ASXL2: variants seen among roughly 807,000 people sequenced by gnomAD.
The protein encoded by ASXL2 is ASXL transcriptional regulator 2, also known as putative Polycomb group protein ASXL2.
A neutral mutation model predicts 122.0 loss-of-function variants in ASXL2; 23 were observed. The ratio of observed to expected loss-of-function variants is 0.19; its 90% confidence interval spans 0.14 to 0.27. ASXL2 has a LOEUF of 0.27. Ranked by LOEUF, ASXL2 falls within the 10% of genes least tolerant of loss-of-function variation. The pLI is 1.00. For synonymous variants in ASXL2, 650 were observed against 637.0 expected, an observed-to-expected ratio of 1.02 and a Z score of -0.31; for missense variants, 1,518 against 1,713.8, an observed-to-expected ratio of 0.89 and a Z score of 2.02.
intron 5 of ASXL2, among the ~76,000 whole-genome samples, chr2:25,786,149 T>C (rs2088740391): frequency 6.6e-6 from 1 of 152,124 alleles, no homozygotes; most frequent in Admixed American, 6.6e-5. Context: ...TCAACATCTG[T>C]GTATTAGAAA....
chr2:25,865,643 C>T (rs1424040267), intron 1 of ASXL2, among the ~76,000 whole-genome samples: 6 of 148,714 alleles, frequency 4.0e-5, no homozygotes, highest in Admixed American at 2.7e-4. Context: ...GGCATGGTGG[C>T]GGGCGCCTGT....
Position 25,753,760 on chromosome 2 carries a change from C to T in ASXL2, c.1037-121G>A, listed in dbSNP as rs768880491. 114 of 704,536 alleles carry T rather than the reference C, an allele frequency of 1.6e-4. 1 individual carries two copies. The highest frequency in any genetic ancestry group is 2.5e-4 in the Non-Finnish European group (106 of 416,058). The allele number at this position is 704,536 out of a possible 1,614,324, so 43.6% of individuals were successfully genotyped here. Reference sequence around the variant, plus strand: ...TACTACCATGTGAAAGTAACAGAAACTCCTCAAACCTCCTCACTGTAAAGG... The same window carrying T: ...TACTACCATGTGAAAGTAACAGAAATTCCTCAAACCTCCTCACTGTAAAGG... On this transcript the variant is annotated intron_variant, in intron 10 of 12. Coordinates refer to ENST00000435504, the MANE Select transcript of ASXL2 (RefSeq NM_018263.6).
At chr2:25,815,980 A>G (rs755678783) in intron 3 of ASXL2, among the ~76,000 whole-genome samples, 71 of 152,334 alleles carry the variant, frequency 4.7e-4, no homozygotes, top group Non-Finnish European at 6.2e-4. Context: ...AGAAAAGATT[A>G]CCCTTATGCA....
chr2:25,737,574 A>G lies in ASXL2; in HGVS notation c.*4455T>C, dbSNP rs1246441306. On this transcript the variant is annotated 3_prime_UTR_variant, in exon 13 of 13. Coordinates refer to ENST00000435504, the MANE Select transcript of ASXL2 (RefSeq NM_018263.6). ...TTCCTCATTTTACTCTCTTCCATAC[A>G]ATCTGTGGGAACCATCCCATAGGAG... The G allele has an allele frequency of 6.6e-6, 1 of 152,128 alleles. No homozygotes were observed. Among genetic ancestry groups the G allele is most frequent in the Non-Finnish European group, 1.5e-5 (1 of 68,008 alleles). 9.4% of individuals were successfully genotyped at this position (152,128 alleles called of 1,614,324 possible).
At chr2:25,781,017 G>A (rs1251495399) in intron 5 of ASXL2, among the ~76,000 whole-genome samples, 1 of 146,704 alleles carries the variant, frequency 6.8e-6, no homozygotes, top group Non-Finnish European at 1.5e-5. Context: ...CCAGAAGGAG[G>A]AGCTTACAGT....
intron 5 of ASXL2, among the ~76,000 whole-genome samples, chr2:25,775,466 G>T (rs1241586361): frequency 6.6e-6 from 1 of 152,102 alleles, no homozygotes; most frequent in Admixed American, 6.6e-5. Context: ...ACGTGTCAGC[G>T]GAGTGACCTG....
intron 3 of ASXL2, among the ~76,000 whole-genome samples, chr2:25,827,378 G>C (rs2089389928): frequency 6.6e-6 from 1 of 151,998 alleles, no homozygotes; most frequent in Admixed American, 6.6e-5. Flanking sequence ...ACTTACATTG[G>C]AAATTTCTAA....
chr2:25,841,375 ATAATACCTCATATATTCATTAACAAG>A (rs1218697435), intron 2 of ASXL2, among the ~76,000 whole-genome samples: 1 of 152,158 alleles, frequency 6.6e-6, no homozygotes, highest in Non-Finnish European at 1.5e-5. Context: ...CTTCCAACTA[ATAATACCTCATATATTCATTAACAAG>A]TAGGTTTTAA....
At chr2:25,799,730 G>A (rs1028167398) in intron 4 of ASXL2, among the ~76,000 whole-genome samples, 195 bp from the exon 5 acceptor site, 10 of 152,034 alleles carry the variant, frequency 6.6e-5, no homozygotes, top group Admixed American at 4.6e-4. Flanking sequence ...AACTATATCC[G>A]AAGATAAAAA....
chr2:25,801,214 C>T (rs979025931), intron 4 of ASXL2, among the ~76,000 whole-genome samples: 7 of 152,172 alleles, frequency 4.6e-5, no homozygotes, highest in African/African-American at 1.4e-4. Context: ...GGATTACAGG[C>T]GTGTGCCACT....
At chr2:25,759,215 A>C (rs1366532994) in intron 9 of ASXL2, among the ~76,000 whole-genome samples, 1 of 152,142 alleles carries the variant, frequency 6.6e-6, no homozygotes, top group African/African-American at 2.4e-5. Context: ...TTGGCTGCCC[A>C]AAGTGCTGGG....
At chr2:25,877,931 C>T (rs1283721347) in intron 1 of ASXL2, among the ~76,000 whole-genome samples, 1 of 152,228 alleles carries the variant, frequency 6.6e-6, no homozygotes, top group Non-Finnish European at 1.5e-5. Context: ...CCTCAAAACA[C>T]TGAGAGGACT....
chr2:25,771,561 A>G (rs1171178882), intron 5 of ASXL2, 21 bp from the exon 6 acceptor site: 1 of 1,591,244 alleles, frequency 6.3e-7, no homozygotes, highest in African/African-American at 1.3e-5. Flanking sequence ...AAAAGTGACA[A>G]TAAAAGATTT....
Position 25,743,979 on chromosome 2 carries a change from A to C in ASXL2, c.2358T>G (p.Ser786Arg), listed in dbSNP as rs774197741. The change falls in exon 13 of 13, where the codon AGT becomes AGG. Residue 786 changes from serine (S) to arginine (R), a missense_variant. Physicochemically the swap from Ser to Arg is moderately radical, Grantham distance 110 (BLOSUM62 -1). This residue lies in a region of ASXL2 where 831 missense variants were observed against 833.1 expected (regional missense o/e 1.00). Coordinates refer to ENST00000435504, the MANE Select transcript of ASXL2 (RefSeq NM_018263.6). The stretch of plus-strand genomic sequence containing the variant: ...GTGATGGGACACTTGTGCATGCTCC[A>C]CTGACGGCAGGTGTTGGAGGCACTG... ...TPPVPPTPAV[S>R]GACTSVPSPA... The C allele has an allele frequency of 6.2e-7, 1 of 1,613,960 alleles. No homozygotes were observed. The highest frequency in any genetic ancestry group is 8.5e-7 in the Non-Finnish European group (1 of 1,179,884).
chr2:25,828,846 A>C (rs905355020), intron 3 of ASXL2, among the ~76,000 whole-genome samples: 31 of 151,218 alleles, frequency 2.1e-4, no homozygotes, highest in South Asian at 6.3e-4. Context: ...AAAAAAAAAA[A>C]AACAACAACC....
At position 25,781,953 on chromosome 2, in the gene ASXL2, C is replaced by CG. The variant is rs2088646549; in HGVS notation, c.404-10414_404-10413insC. ...CTAGGATAACAGGCGTGAGCCACCGCCCGGGCTTTTTTCTTTTTTTTTTTT... is the reference window on the plus strand; with the variant it reads ...CTAGGATAACAGGCGTGAGCCACCGCGCCGGGCTTTTTTCTTTTTTTTTTTT... On this transcript the variant is annotated intron_variant, in intron 5 of 12. Coordinates refer to ENST00000435504, the MANE Select transcript of ASXL2 (RefSeq NM_018263.6). 1.2e-4 allele frequency among the ~76,000 whole-genome samples: 13 copies of CG among 112,666 alleles called. No homozygotes were observed. In the South Asian group the frequency reaches 3.6e-3, roughly 31 times the overall value. The allele number at this position is 112,666 out of a possible 152,430, so 73.9% of individuals were successfully genotyped here. A position where few individuals can be genotyped will look rare whatever the true frequency, so the allele number is the denominator to read the frequency against.
chr2:25,745,914 G>A (rs780840476), intron 12 of ASXL2, among the ~76,000 whole-genome samples: 26 of 151,788 alleles, frequency 1.7e-4, no homozygotes, highest in Admixed American at 5.2e-4. Context: ...CCAAAGTGCT[G>A]GGATTACAGG....
In ASXL2 at chr2:25,838,509, C is replaced by G. The variant is rs554375030; in HGVS notation, c.141-2969G>C. On this transcript the variant is annotated intron_variant, in intron 2 of 12. Transcript: ENST00000435504. Reference sequence around the variant, plus strand: ...TCTTAACTTATCAATGCCCAAAATCCCAGAAACAGTTCCATTAAGCTGTGT... The same window carrying G: ...TCTTAACTTATCAATGCCCAAAATCGCAGAAACAGTTCCATTAAGCTGTGT... Among the ~76,000 whole-genome samples the G allele has an allele frequency of 2.5e-4, 38 of 152,256 alleles. 1 individual carries two copies. Among genetic ancestry groups the G allele is most frequent in the African/African-American group, 7.9e-4 (33 of 41,542 alleles).
Position 25,738,556 on chromosome 2 carries a change from T to C in ASXL2, c.*3473A>G, listed in dbSNP as rs973258913. 5 of 152,280 alleles carry C rather than the reference T, an allele frequency of 3.3e-5. No individual in the cohort carries two copies. The highest frequency in any genetic ancestry group is 4.8e-5 in the African/African-American group (2 of 41,538). The allele number at this position is 152,280 out of a possible 1,614,324, so 9.4% of individuals were successfully genotyped here. ...AAAACACTCTGGCACTGCTCACTGA[T>C]AGTGAGTTCTAGAAATAAATAGCAG... is the stretch of plus-strand genomic sequence containing the variant. On this transcript the variant is annotated 3_prime_UTR_variant, in exon 13 of 13. Coordinates refer to ENST00000435504, the MANE Select transcript of ASXL2 (RefSeq NM_018263.6).
Sources: allele counts gnomAD v4.1 joint callset (sites outside exome capture counted in the v4.1 genomes callset), GRCh38; gene constraint gnomAD v4.1.1; regional missense constraint gnomAD v4.1.1; transcripts MANE v1.5; gene names NCBI Gene and HGNC (gene_info 2026-07-23, HGNC 2026-07-21).